The following ADGRV1 variants were observed in gnomAD, a reference collection of about 807,000 sequenced individuals.
The protein encoded by ADGRV1 is G-protein coupled receptor 98.
In ADGRV1, 359 loss-of-function variants were observed where a neutral mutation model predicts 596.2. The observed-to-expected ratio is 0.60, with a 90% CI of 0.55 to 0.66. The LOEUF (loss-of-function observed/expected upper bound fraction) is 0.66, where lower values mean the gene tolerates loss of function less well. Ranked by LOEUF, ADGRV1 falls within the 30% of genes least tolerant of loss-of-function variation. ADGRV1 has a pLI of 0.00. For synonymous variants in ADGRV1, 2,681 were observed against 2,679.2 expected (o/e 1.00, Z -0.02); for missense variants, 7,274 against 7,575.6 (o/e 0.96, Z 1.48).
At chr5:90,808,000 G>A (rs989861440) in intron 73 of ADGRV1, among the ~76,000 whole-genome samples, 1 of 152,184 alleles carries the variant, frequency 6.6e-6, no homozygotes, top group Non-Finnish European at 1.5e-5. Flanking sequence ...GAGCCATGAT[G>A]GCAGTTCTCC....
intron 83 of ADGRV1, among the ~76,000 whole-genome samples, chr5:90,890,649 G>A (rs1284754592): frequency 2.0e-5 from 3 of 152,094 alleles, no homozygotes; most frequent in South Asian, 4.2e-4. Flanking sequence ...CCTTTTACAC[G>A]CCTCCTTACA....
intron 77 of ADGRV1, among the ~76,000 whole-genome samples, chr5:90,830,033 C>T (rs1000751670): frequency 6.6e-6 from 1 of 152,112 alleles, no homozygotes; most frequent in African/African-American, 2.4e-5. Flanking sequence ...ATTAAAAGTT[C>T]CCTTTAGTAC....
intron 85 of ADGRV1, among the ~76,000 whole-genome samples, chr5:91,059,486 G>C (rs1380948417): frequency 6.6e-6 from 1 of 152,132 alleles, no homozygotes; most frequent in Non-Finnish European, 1.5e-5. Flanking sequence ...CTTTTGAGAA[G>C]CTTCTTTACA....
chr5:90,791,089 G>A lies in ADGRV1; in HGVS notation c.14260G>A (p.Val4754Ile). ...GGAGAAGAGTATCACATGGTTCTCTGTTTATGCAAATGATGACCCACATGG... is the reference window on the plus strand; with the variant it reads ...GGAGAAGAGTATCACATGGTTCTCTATTTATGCAAATGATGACCCACATGG... ...DLEKSITWFS[V>I]YANDDPHGVF... The change falls in exon 70 of 90, where the codon GTT becomes ATT. Residue 4754 changes from valine (V) to isoleucine (I), a missense_variant. Physicochemically the swap from Val to Ile is conservative, Grantham distance 29. This residue lies in a region of ADGRV1 where 1,874 missense variants were observed against 1,970.2 expected (regional missense o/e 0.95). Coordinates refer to ENST00000405460, the MANE Select transcript of ADGRV1 (RefSeq NM_032119.4). 6.2e-7 allele frequency: 1 copy of A among 1,613,928 alleles called. No homozygotes were observed. Among genetic ancestry groups the A allele is most frequent in the East Asian group, 2.2e-5 (1 of 44,860 alleles).
At chr5:91,058,120 C>T (rs140044741) in intron 85 of ADGRV1, among the ~76,000 whole-genome samples, 51 of 152,262 alleles carry the variant, frequency 3.3e-4, no homozygotes, top group African/African-American at 1.1e-3. Context: ...GTCTGACTTA[C>T]GCTGAGAAGC....
At chr5:90,807,554 T>C (rs1316454054) in intron 72 of ADGRV1, 48 bp from the exon 73 acceptor site, 1 of 1,537,394 alleles carries the variant, frequency 6.5e-7, no homozygotes, top group Non-Finnish European at 8.8e-7. Flanking sequence ...AATCCCAATT[T>C]AAGAAAAGAA....
At chr5:90,574,594 G>T (rs185889767) in intron 1 of ADGRV1, among the ~76,000 whole-genome samples, 1 of 152,078 alleles carries the variant, frequency 6.6e-6, no homozygotes, top group African/African-American at 2.4e-5. Flanking sequence ...TCGGGTTGAC[G>T]CCAGCTTCAT....
intron 50 of ADGRV1, among the ~76,000 whole-genome samples, chr5:90,734,595 T>G (rs982610890): frequency 1.8e-3 from 266 of 147,188 alleles, no homozygotes; most frequent in Non-Finnish European, 3.0e-3. Context: ...TTTTTTTTTT[T>G]TTTTTTTTGA....
At chr5:90,667,767 G>A (rs1052982941) in intron 21 of ADGRV1, among the ~76,000 whole-genome samples, 3 of 152,166 alleles carry the variant, frequency 2.0e-5, no homozygotes, top group African/African-American at 4.8e-5. Flanking sequence ...TTTGATGATG[G>A]TGATGTACAG....
At chr5:90,729,130 TCTGA>T (rs986594774) in intron 49 of ADGRV1, among the ~76,000 whole-genome samples, 197 bp downstream of exon 49, 76 of 152,348 alleles carry the variant, frequency 5.0e-4, no homozygotes, top group African/African-American at 1.7e-3. Context: ...AATCTTGTGT[TCTGA>T]CTACTACCTG....
intron 50 of ADGRV1, among the ~76,000 whole-genome samples, chr5:90,737,862 A>AT (rs146833111): frequency 0.03 from 4,548 of 150,860 alleles, 198 homozygotes; most frequent in African/African-American, 0.1. Flanking sequence ...ATTGGATCTT[A>AT]TTTTTTTTTA....
intron 17 of ADGRV1, among the ~76,000 whole-genome samples, chr5:90,648,070 C>G (rs1463533677): frequency 1.2e-4 from 18 of 152,152 alleles, no homozygotes; most frequent in Admixed American, 1.2e-3. Flanking sequence ...GGGAATACGG[C>G]TTCCCTAGGT....
At chr5:90,721,238 C>T (rs573912977) in intron 45 of ADGRV1, among the ~76,000 whole-genome samples, 179 bp downstream of exon 45, 2 of 152,212 alleles carry the variant, frequency 1.3e-5, no homozygotes, top group East Asian at 1.9e-4. Context: ...TGTGTTGAGG[C>T]TCATGCCTGT....
intron 85 of ADGRV1, chr5:91,030,845 A>T: frequency 2.4e-6 from 1 of 413,000 alleles, no homozygotes. Context: ...TCAGATAAAG[A>T]TACCCCCTAA....
chr5:91,153,323 G>A lies in ADGRV1; in HGVS notation c.18727G>A (p.Gly6243Arg). The A allele has an allele frequency of 6.2e-7, 1 of 1,612,772 alleles. No homozygotes were observed. Among genetic ancestry groups the A allele is most frequent in the Non-Finnish European group, 8.5e-7 (1 of 1,179,424 alleles). ...QNGATFPSSG[G>R]YGQGSLIADE... ...TGGAGCCACGTTCCCGTCCTCTGGA[G>A]GATATGGCCAGGGGTCACTGATAGC... Residue 6243 changes from glycine (G) to arginine (R), a missense_variant, in exon 89 of 90, where the codon GGA becomes AGA. Gly to Arg is a moderately radical substitution (Grantham distance 125, BLOSUM62 -2). Around this residue, in one of 5 missense-constraint regions of ADGRV1, gnomAD observed 1,874 missense variants for 1,970.2 expected, o/e 0.95. Coordinates refer to ENST00000405460, the MANE Select transcript of ADGRV1 (RefSeq NM_032119.4).
intron 70 of ADGRV1, 190 bp downstream of exon 70, chr5:90,791,536 A>T (rs1205365449): frequency 1.8e-6 from 1 of 559,052 alleles, no homozygotes; most frequent in African/African-American, 1.9e-5. Context: ...TACTATTTGG[A>T]TGGAGATAAT....
chr5:90,797,998 C>G (rs1760941222), intron 70 of ADGRV1, among the ~76,000 whole-genome samples: 1 of 152,032 alleles, frequency 6.6e-6, no homozygotes, highest in South Asian at 2.1e-4. Flanking sequence ...AATCGACACC[C>G]TAACATCAAA....
chr5:90,884,961 C>T (rs1770139138), intron 83 of ADGRV1, among the ~76,000 whole-genome samples: 3 of 152,104 alleles, frequency 2.0e-5, no homozygotes, highest in South Asian at 2.1e-4. Context: ...GAGTTTAGTA[C>T]AGGGGCACTG....
chr5:90,702,459 A>G (rs1350227542), intron 34 of ADGRV1, among the ~76,000 whole-genome samples: 1 of 151,956 alleles, frequency 6.6e-6, no homozygotes, highest in African/African-American at 2.4e-5. Context: ...CATTTTGTTA[A>G]AATTGTGTTT....
Sources: allele counts gnomAD v4.1 joint callset (sites outside exome capture counted in the v4.1 genomes callset), GRCh38; gene constraint gnomAD v4.1.1; regional missense constraint gnomAD v4.1.1; transcripts MANE v1.5; gene names NCBI Gene and HGNC (gene_info 2026-07-23, HGNC 2026-07-21).